Variants in GALNT13 observed in about 807,000 individuals in gnomAD.
The protein encoded by GALNT13 is UDP-GalNAc:polypeptide N-acetylgalactosaminyltransferase 13.
A neutral mutation model predicts 64.2 loss-of-function variants in GALNT13; 28 were observed. That is an observed-to-expected ratio of 0.44 (90% confidence interval 0.32 to 0.60). GALNT13 has a LOEUF of 0.60. Ranked by LOEUF, GALNT13 falls within the 20% of genes least tolerant of loss-of-function variation. The probability of loss-of-function intolerance (pLI) is 0.05; values close to 1 mark genes in which losing one functional copy is unlikely to be tolerated. For synonymous variants in GALNT13, 214 were observed against 224.6 expected (o/e 0.95, Z 0.42); for missense variants, 577 against 669.8 (o/e 0.86, Z 1.53).
At chr2:153,275,918 T>A in the GALNT13 span, among the ~76,000 whole-genome samples, 1 of 152,094 alleles carries the variant, frequency 6.6e-6, no homozygotes, top group Non-Finnish European at 1.5e-5. Flanking sequence ...CCATGAAGAG[T>A]TTAGGAAAGT....
At chr2:154,358,686 T>G (rs575288015) in intron 9 of GALNT13, among the ~76,000 whole-genome samples, 3 of 152,234 alleles carry the variant, frequency 2.0e-5, no homozygotes, top group Non-Finnish European at 4.4e-5. Context: ...ATTATATCCT[T>G]ATTTGCTAAT....
the GALNT13 span, among the ~76,000 whole-genome samples, chr2:153,377,687 C>T: frequency 6.6e-6 from 1 of 152,088 alleles, no homozygotes; most frequent in Non-Finnish European, 1.5e-5. Flanking sequence ...CTTGCAGAAC[C>T]ATGAGCCAAA....
chr2:154,306,762 C>T (rs1411060697), intron 9 of GALNT13, among the ~76,000 whole-genome samples: 1 of 151,972 alleles, frequency 6.6e-6, no homozygotes, highest in Non-Finnish European at 1.5e-5. Flanking sequence ...GTGGTATCAG[C>T]TGTTGCATCA....
chr2:154,013,775 A>G (rs1272692261), intron 3 of GALNT13, among the ~76,000 whole-genome samples: 2 of 152,028 alleles, frequency 1.3e-5, no homozygotes, highest in Non-Finnish European at 2.9e-5. Flanking sequence ...TGGGGTGCAC[A>G]CTCACATGCC....
the GALNT13 span, among the ~76,000 whole-genome samples, chr2:153,262,346 T>C: frequency 1.3e-5 from 2 of 152,126 alleles, no homozygotes; most frequent in Non-Finnish European, 2.9e-5. Flanking sequence ...TCTGACTGTG[T>C]TTAAAACTGT....
At chr2:153,648,622 G>T in the GALNT13 span, among the ~76,000 whole-genome samples, 30,792 of 151,880 alleles carry the variant, frequency 0.2, 4,060 homozygotes, top group Middle Eastern at 0.44. Flanking sequence ...TAGCTCTTAT[G>T]ATTTTGAGAT....
At chr2:153,367,455 T>A in the GALNT13 span, among the ~76,000 whole-genome samples, 8 of 152,198 alleles carry the variant, frequency 5.3e-5, no homozygotes, top group South Asian at 1.7e-3. Flanking sequence ...TATACAAGAA[T>A]GGGAACTTTG....
intron 2 of GALNT13, chr2:153,926,179 A>G (rs1690122660): frequency 6.6e-6 from 1 of 152,118 alleles, no homozygotes; most frequent in African/African-American, 2.4e-5. Context: ...AATTTAAATA[A>G]TATAAAAAAG....
At chr2:153,496,119 T>G in the GALNT13 span, among the ~76,000 whole-genome samples, 12 of 152,350 alleles carry the variant, frequency 7.9e-5, no homozygotes, top group East Asian at 2.3e-3. Flanking sequence ...CATTGATCAT[T>G]TGCCAATGTT....
At chr2:153,772,524 G>T in the GALNT13 span, among the ~76,000 whole-genome samples, 7 of 152,220 alleles carry the variant, frequency 4.6e-5, no homozygotes, top group South Asian at 1.5e-3. Flanking sequence ...CTGAGATCTG[G>T]GTTGTTGCTC....
chr2:153,786,360 C>T, the GALNT13 span, among the ~76,000 whole-genome samples: 1 of 152,086 alleles, frequency 6.6e-6, no homozygotes, highest in East Asian at 1.9e-4. Context: ...GAGTCCAGCC[C>T]CTCTTCGCCA....
the GALNT13 span, among the ~76,000 whole-genome samples, chr2:153,701,138 CAAACAGACATAAACACCAATG>C: frequency 2.6e-5 from 4 of 152,030 alleles, no homozygotes; most frequent in African/African-American, 9.7e-5. Flanking sequence ...TGCTGGTACC[CAAACAGACATAAACACCAATG>C]GAACAGAACA....
At chr2:154,408,825 A>C (rs1699665911) in intron 10 of GALNT13, among the ~76,000 whole-genome samples, 159 bp from the exon 11 acceptor site, 1 of 152,102 alleles carries the variant, frequency 6.6e-6, no homozygotes. Flanking sequence ...TGGACACTGA[A>C]AAAGACAAAT....
chr2:154,349,629 C>T (rs1696276289), intron 9 of GALNT13, among the ~76,000 whole-genome samples: 1 of 152,038 alleles, frequency 6.6e-6, no homozygotes, highest in Admixed American at 6.6e-5. Context: ...TGGGAAAGGC[C>T]CTAGAAATGG....
intron 4 of GALNT13, among the ~76,000 whole-genome samples, chr2:154,201,348 G>T (rs532492618): frequency 6.6e-6 from 1 of 152,220 alleles, no homozygotes; most frequent in South Asian, 2.1e-4. Context: ...ATTTGTTGCT[G>T]TTGCTTTCTT....
At chr2:153,556,255 GA>G in the GALNT13 span, among the ~76,000 whole-genome samples, 4 of 151,510 alleles carry the variant, frequency 2.6e-5, no homozygotes, top group African/African-American at 2.4e-5. Context: ...TATTTTAAAA[GA>G]AAAAAAATGC....
At chr2:153,706,157 C>A in the GALNT13 span, among the ~76,000 whole-genome samples, 4 of 151,976 alleles carry the variant, frequency 2.6e-5, no homozygotes, top group African/African-American at 9.7e-5. Context: ...CCACCACGCC[C>A]AGCTAATTTT....
chr2:154,394,104 A>AAAG (rs1553523758), intron 9 of GALNT13, among the ~76,000 whole-genome samples: 5 of 146,364 alleles, frequency 3.4e-5, no homozygotes, highest in South Asian at 4.4e-4. Flanking sequence ...AAAAAAAAAA[A>AAAG]GGTATGCAAA....
chr2:154,172,243 T>C (rs1205968591), intron 4 of GALNT13, among the ~76,000 whole-genome samples: 2 of 152,098 alleles, frequency 1.3e-5, no homozygotes, highest in Non-Finnish European at 2.9e-5. Flanking sequence ...ATTCATAAAA[T>C]TTGTAAAGAT....
Sources: allele counts gnomAD v4.1 joint callset (sites outside exome capture counted in the v4.1 genomes callset), GRCh38; gene constraint gnomAD v4.1.1; transcripts MANE v1.5; gene names NCBI Gene and HGNC (gene_info 2026-07-23, HGNC 2026-07-21).